Variants in MIB1 observed in about 807,000 individuals in gnomAD.
The protein encoded by MIB1 is E3 ubiquitin-protein ligase MIB1.
A neutral mutation model predicts 124.5 loss-of-function variants in MIB1; 278 were observed. That is an observed-to-expected ratio of 2.23 (90% CI 2.02 to 2.47). The LOEUF (loss-of-function observed/expected upper bound fraction) is 2.47. Among genes scored for constraint, MIB1 ranks in the 30% most tolerant of loss-of-function variants. The probability of loss-of-function intolerance (pLI) is 0.00; values close to 1 mark genes in which losing one functional copy is unlikely to be tolerated. For missense variants in MIB1, 957 were observed against 1,254.4 expected (o/e 0.76, Z 3.58); for synonymous variants, 446 against 429.4 (o/e 1.04, Z -0.48).
chr18:21,788,939 G>A (rs912495962), intron 6 of MIB1, among the ~76,000 whole-genome samples: 10 of 152,166 alleles, frequency 6.6e-5, no homozygotes, highest in Admixed American at 2.0e-4. Flanking sequence ...GAAAACTACT[G>A]AACATTGTTG....
intron 1 of MIB1, among the ~76,000 whole-genome samples, chr18:21,707,913 A>G (rs868692404): frequency 1.3e-5 from 2 of 152,198 alleles, no homozygotes; most frequent in Admixed American, 6.5e-5. Flanking sequence ...TGGAAGTTTG[A>G]GATCAGGGTA....
At chr18:21,763,362 C>G (rs1377818262) in intron 1 of MIB1, among the ~76,000 whole-genome samples, 1 of 152,080 alleles carries the variant, frequency 6.6e-6, no homozygotes, top group Non-Finnish European at 1.5e-5. Context: ...AATTTATCTC[C>G]AAGTCTCTGG....
intron 1 of MIB1, among the ~76,000 whole-genome samples, chr18:21,733,246 CT>C (rs1321144281): frequency 2.6e-5 from 4 of 152,122 alleles, no homozygotes. Context: ...AGAGAGTTTG[CT>C]TGATTTTAAT....
intron 1 of MIB1, among the ~76,000 whole-genome samples, chr18:21,716,147 C>T (rs1049387858): frequency 2.6e-5 from 4 of 152,212 alleles, no homozygotes; most frequent in Admixed American, 2.0e-4. Context: ...GAAAACCTAT[C>T]AGATTAACAA....
rs898738932 is a variant in MIB1, at chr18:21,868,845, T to A, written c.*4179T>A. 2.0e-5 allele frequency: 3 copies of A among 152,460 alleles called. No homozygotes were observed. The highest frequency in any genetic ancestry group is 7.2e-5 in the African/African-American group (3 of 41,462). 9.4% of individuals were successfully genotyped at this position (152,460 alleles called of 1,614,324 possible). On this transcript the variant is annotated 3_prime_UTR_variant, in exon 21 of 21. Coordinates refer to ENST00000261537, the MANE Select transcript of MIB1 (RefSeq NM_020774.4). The stretch of plus-strand genomic sequence containing the variant: ...TGCTGTCTCGTGTACATTGCTTTAC[T>A]ACAGTGAGGGGGAATATCCTTTAGA...
At position 21,765,834 on chromosome 18, in the gene MIB1, T is replaced by G; in HGVS notation, c.292T>G (p.Trp98Gly). 1 of 1,614,182 alleles carries G rather than the reference T, an allele frequency of 6.2e-7. No individual in the cohort carries two copies. Residue 98 changes from tryptophan (W) to glycine (G), a missense_variant, in exon 2 of 21, where the codon TGG (tryptophan) becomes GGG (glycine). Physicochemically the swap from Trp to Gly is radical, Grantham distance 184. Coordinates refer to ENST00000261537, the MANE Select transcript of MIB1 (RefSeq NM_020774.4). ...CRQQPIIGIR[W>G]KCAECTNYDL... The stretch of plus-strand genomic sequence containing the variant: ...CCAGCAACCAATCATTGGCATTCGA[T>G]GGAAGTGTGCAGAGTGTACAAATTA...
At chr18:21,754,150 G>A (rs2041005313) in intron 1 of MIB1, among the ~76,000 whole-genome samples, 1 of 152,156 alleles carries the variant, frequency 6.6e-6, no homozygotes, top group African/African-American at 2.4e-5. Flanking sequence ...GCTGGATTGG[G>A]GATCTGACTT....
chr18:21,856,874 CAA>C (rs1445477711), intron 18 of MIB1, among the ~76,000 whole-genome samples: 1 of 152,120 alleles, frequency 6.6e-6, no homozygotes, highest in East Asian at 1.9e-4. Flanking sequence ...CTTTAAAAAA[CAA>C]ATTTCACAGT....
chr18:21,739,927 A>G (rs1411832565), upstream of MIB1, among the ~76,000 whole-genome samples: 1 of 150,544 alleles, frequency 6.6e-6, no homozygotes, highest in Non-Finnish European at 1.5e-5. Context: ...ACAAAGCAAA[A>G]AAAAAAACAA....
At chr18:21,797,583 G>A (rs2041597770) in intron 7 of MIB1, among the ~76,000 whole-genome samples, 1 of 152,082 alleles carries the variant, frequency 6.6e-6, no homozygotes, top group Non-Finnish European at 1.5e-5. Context: ...ACAGGTTTAG[G>A]AATATGAGGA....
intron 17 of MIB1, among the ~76,000 whole-genome samples, chr18:21,850,076 A>T (rs1043974659): frequency 6.6e-6 from 1 of 152,114 alleles, no homozygotes; most frequent in African/African-American, 2.4e-5. Context: ...GCCAAAATCT[A>T]TATCTACTCT....
At chr18:21,797,563 G>T (rs1342061067) in intron 7 of MIB1, among the ~76,000 whole-genome samples, 4 of 152,042 alleles carry the variant, frequency 2.6e-5, no homozygotes, top group Non-Finnish European at 5.9e-5. Flanking sequence ...ATAAAATTTT[G>T]GGAAAATGAA....
intron 6 of MIB1, among the ~76,000 whole-genome samples, chr18:21,783,226 C>T (rs1335808564): frequency 6.6e-6 from 1 of 150,856 alleles, no homozygotes; most frequent in Admixed American, 6.6e-5. Context: ...TTCTTTTACC[C>T]ATTCAGCCAC....
At chr18:21,846,216 A>G (rs2146508160) in intron 15 of MIB1, among the ~76,000 whole-genome samples, 1 of 152,334 alleles carries the variant, frequency 6.6e-6, no homozygotes, top group East Asian at 1.9e-4. Context: ...TTCTGAGACC[A>G]AAGTGTTTGA....
intron 15 of MIB1, among the ~76,000 whole-genome samples, chr18:21,846,058 C>T (rs1465818943): frequency 6.6e-6 from 1 of 152,180 alleles, no homozygotes; most frequent in Non-Finnish European, 1.5e-5. Flanking sequence ...ATACCAGCCC[C>T]CAGTCTTAAT....
intron 1 of MIB1, among the ~76,000 whole-genome samples, chr18:21,732,505 T>C (rs899595236): frequency 1.3e-5 from 2 of 151,820 alleles, no homozygotes; most frequent in African/African-American, 2.4e-5. Flanking sequence ...TAAATGATCC[T>C]TCCACCTCAG....
chr18:21,721,159 GTTTTTTTTTTTTTTTTTTTTTTTTT>G (rs34277676), intron 1 of MIB1, among the ~76,000 whole-genome samples: 8 of 29,758 alleles, frequency 2.7e-4, no homozygotes, highest in Non-Finnish European at 4.4e-4. Context: ...TTTTAAAGAA[GTTTTTTTTTTTTTTTTTTTTTTTTT>G]TTTTTTTTTT....
chr18:21,724,608 G>A (rs2040729139), intron 1 of MIB1, among the ~76,000 whole-genome samples: 1 of 149,410 alleles, frequency 6.7e-6, no homozygotes, highest in African/African-American at 2.5e-5. Flanking sequence ...AGAAGGCTGA[G>A]GCACAAGAAT....
intron 1 of MIB1, among the ~76,000 whole-genome samples, chr18:21,750,570 G>A (rs1034130035): frequency 1.4e-4 from 21 of 151,720 alleles, no homozygotes; most frequent in Non-Finnish European, 2.4e-4. Flanking sequence ...CTTGTGATCC[G>A]CCCGCCTCGG....
Sources: allele counts gnomAD v4.1 joint callset (sites outside exome capture counted in the v4.1 genomes callset), GRCh38; gene constraint gnomAD v4.1.1; transcripts MANE v1.5; gene names NCBI Gene and HGNC (gene_info 2026-07-23, HGNC 2026-07-21).